Variants in NAV1 observed in about 807,000 individuals in gnomAD.
The protein encoded by NAV1 is neuron navigator 1.
NAV1 carries 18 observed loss-of-function variants against 175.2 expected under a neutral mutation model. That is an observed-to-expected ratio of 0.10 (90% CI 0.07 to 0.15). The LOEUF (loss-of-function observed/expected upper bound fraction) is 0.15, where lower values mean the gene tolerates loss of function less well. Among genes scored for constraint, NAV1 ranks in the 10% least tolerant of loss-of-function variants. The probability of loss-of-function intolerance (pLI) is 1.00; values close to 1 mark genes in which losing one functional copy is unlikely to be tolerated. For synonymous variants in NAV1, 897 were observed against 978.7 expected (o/e 0.92, Z 1.56); for missense variants, 1,731 against 2,436.6 (o/e 0.71, Z 6.10).
intron 8 of NAV1, among the ~76,000 whole-genome samples, chr1:201,785,788 C>CTT (rs34841837): frequency 0.23 from 22,536 of 99,502 alleles, 3,897 homozygotes; most frequent in African/African-American, 0.31. Flanking sequence ...ACTATTGCAA[C>CTT]TTTTTTTTTT....
At chr1:201,565,393 G>A (rs187027733) in intron 1 of NAV1, among the ~76,000 whole-genome samples, 64 of 152,308 alleles carry the variant, frequency 4.2e-4, no homozygotes, top group African/African-American at 1.2e-3. Flanking sequence ...GGTTTCCTCC[G>A]CCATCAGAAG....
intron 13 of NAV1, chr1:201,793,560 C>A (rs576805663): frequency 4.0e-6 from 2 of 499,900 alleles, no homozygotes; most frequent in South Asian, 4.3e-5. Context: ...TGGAAACCTG[C>A]CCTACCCTCA....
chr1:201,794,726 A>G (rs1677331187), intron 15 of NAV1, 149 bp downstream of exon 19: 2 of 739,806 alleles, frequency 2.7e-6, no homozygotes, highest in Admixed American at 4.6e-5. Flanking sequence ...TGATGTCTGG[A>G]CTGGTCAGTG....
At chr1:201,802,024 C>A (rs892851928) in intron 15 of NAV1, among the ~76,000 whole-genome samples, 5 of 148,234 alleles carry the variant, frequency 3.4e-5, no homozygotes, top group Admixed American at 2.7e-4. Flanking sequence ...GTAGTCCCAG[C>A]TACTTGGGAG....
At position 201,632,395 on chromosome 1, in the gene NAV1, C is replaced by T. The variant is rs570758776; in HGVS notation, c.4+2888C>T. ...ACTGATGTTTGTACATGTGCCCTGA[C>T]CCTCCCTGGCCCATCTGATTCTGTT... On this transcript the variant is annotated intron_variant, in intron 2 of 29. Transcript: ENST00000367302. Among the ~76,000 whole-genome samples, 14 of 152,360 alleles carry T rather than the reference C, an allele frequency of 9.2e-5. 1 individual carries two copies. In the South Asian group the frequency reaches 2.9e-3, roughly 32 times the overall value.
At position 201,679,820 on chromosome 1, in the gene NAV1, A is replaced by T. The variant is rs115129167; in HGVS notation, c.757+30395A>T. 1.8e-3 allele frequency among the ~76,000 whole-genome samples: 269 copies of T among 152,344 alleles called. 1 individual carries two copies. The highest frequency in any genetic ancestry group is 6.0e-3 in the African/African-American group (248 of 41,578). On this transcript the variant is annotated intron_variant, in intron 1 of 29. Coordinates refer to ENST00000367296, the Ensembl canonical transcript of NAV1. ...AGTGATGCAAAGAGGGATGTGGGGC[A>T]TGGAGCATAGGTTTGTCATTCCTAT...
intron 3 of NAV1, among the ~76,000 whole-genome samples, chr1:201,779,983 T>A (rs1282045513): frequency 1.3e-5 from 2 of 152,188 alleles, no homozygotes; most frequent in African/African-American, 4.8e-5. Context: ...AGAAATCTTT[T>A]TCTGGGCCTC....
intron 2 of NAV1, among the ~76,000 whole-genome samples, chr1:201,595,398 A>G (rs1270349076): frequency 2.0e-5 from 3 of 152,264 alleles, no homozygotes; most frequent in Non-Finnish European, 2.9e-5. Context: ...TCAATAAGCC[A>G]GATCTTCAGA....
At chr1:201,809,892 T>C (rs1678581526) in intron 22 of NAV1, 54 bp from the exon 27 acceptor site, 1 of 1,533,522 alleles carries the variant, frequency 6.5e-7, no homozygotes. Context: ...TTGTTGTGGC[T>C]TTTACACCTG....
chr1:201,564,308 G>A (rs922815680), intron 1 of NAV1, among the ~76,000 whole-genome samples: 5 of 151,990 alleles, frequency 3.3e-5, no homozygotes, highest in Admixed American at 2.0e-4. Flanking sequence ...CACCTTTAGC[G>A]TCCTTACCTA....
At chr1:201,600,006 G>A (rs1450318089) in intron 2 of NAV1, among the ~76,000 whole-genome samples, 4 of 152,230 alleles carry the variant, frequency 2.6e-5, no homozygotes, top group Admixed American at 2.0e-4. Flanking sequence ...CTGAACCGAG[G>A]AGACAGCTTG....
intron 1 of NAV1, among the ~76,000 whole-genome samples, chr1:201,568,333 G>C (rs985126463): frequency 6.6e-6 from 1 of 152,190 alleles, no homozygotes; most frequent in Non-Finnish European, 1.5e-5. Flanking sequence ...TGGCTTGTCT[G>C]TTTCCTGTAA....
chr1:201,782,765 C>A lies in NAV1; in HGVS notation c.2253C>A (p.Asp751Glu). The change falls in exon 6 of 30, where the codon GAC becomes GAA. Residue 751 changes from aspartate (D) to glutamate (E), a missense_variant. Asp to Glu is a conservative substitution (Grantham distance 45). Around this residue, in one of 13 missense-constraint regions of NAV1, gnomAD observed 634 missense variants for 766.8 expected, o/e 0.83. Coordinates refer to ENST00000367296, the Ensembl canonical transcript of NAV1. The surrounding 1 kb of genome is among the most constrained non-coding windows in gnomAD (Gnocchi z 5.4). ...CCAAGGCAGTGGCCTTGGACTCAGA[C>A]AACATCTCCTTGAAGAGTATTGGCT... 9 of 1,614,152 alleles carry A rather than the reference C, an allele frequency of 5.6e-6. No homozygotes were observed. The highest frequency in any genetic ancestry group is 6.8e-6 in the Non-Finnish European group (8 of 1,180,020).
At chr1:201,784,208 A>G (rs2102718112) in intron 7 of NAV1, among the ~76,000 whole-genome samples, 1 of 152,286 alleles carries the variant, frequency 6.6e-6, no homozygotes, top group Non-Finnish European at 1.5e-5. Flanking sequence ...CCCAGGCTGG[A>G]GTGCAGTGGT....
intron 1 of NAV1, among the ~76,000 whole-genome samples, chr1:201,550,683 T>C (rs1336844660): frequency 6.6e-6 from 1 of 152,252 alleles, no homozygotes; most frequent in African/African-American, 2.4e-5. Context: ...TTATAGATGT[T>C]TGATTAAATC....
rs796353354 is a variant in NAV1, at chr1:201,698,937, C to T, written c.758-13880C>T. 6.6e-5 allele frequency among the ~76,000 whole-genome samples: 10 copies of T among 152,288 alleles called. No individual in the cohort carries two copies. In the South Asian group the frequency reaches 1.7e-3, roughly 25 times the overall value. On this transcript the variant is annotated intron_variant, in intron 1 of 29. Transcript: ENST00000367296. ...CTCATTCTGGGCCTCAGTGGCAGGG[C>T]CCCAGAAACCTGAAGACGGGCCCGC...
At chr1:201,596,675 T>G (rs1667354499) in intron 2 of NAV1, among the ~76,000 whole-genome samples, 2 of 152,302 alleles carry the variant, frequency 1.3e-5, no homozygotes, top group South Asian at 2.1e-4. Context: ...TTATTGAACA[T>G]CTACTATATT....
chr1:201,585,603 T>C (rs569043856), intron 1 of NAV1, among the ~76,000 whole-genome samples: 1 of 151,862 alleles, frequency 6.6e-6, no homozygotes, highest in African/African-American at 2.4e-5. Context: ...ATAAAAAACT[T>C]CTACAATTTA....
intron 3 of NAV1, among the ~76,000 whole-genome samples, chr1:201,747,697 G>A (rs890198747): frequency 1.3e-5 from 2 of 152,170 alleles, no homozygotes; most frequent in African/African-American, 4.8e-5. Context: ...GAAATCTCTT[G>A]TTTACATTAT....
Sources: allele counts gnomAD v4.1 joint callset (sites outside exome capture counted in the v4.1 genomes callset), GRCh38; gene constraint gnomAD v4.1.1; regional missense constraint gnomAD v4.1.1; non-coding constraint Gnocchi (gnomAD v3.1); transcripts MANE v1.5; gene names NCBI Gene and HGNC (gene_info 2026-07-23, HGNC 2026-07-21).